The following RTTN variants were observed in gnomAD, a reference collection of about 807,000 sequenced individuals.
RTTN encodes the protein rotatin.
In RTTN, 182 loss-of-function variants were observed where a neutral mutation model predicts 269.2. That is an observed-to-expected ratio of 0.68 (90% CI 0.60 to 0.76). The LOEUF (loss-of-function observed/expected upper bound fraction) is 0.76, where lower values mean the gene tolerates loss of function less well. Ranked by LOEUF, RTTN falls within the 30% of genes least tolerant of loss-of-function variation. The probability of loss-of-function intolerance (pLI) is 0.00; values close to 1 mark genes in which losing one functional copy is unlikely to be tolerated. For missense variants in RTTN, 2,545 were observed against 2,608.6 expected, an observed-to-expected ratio of 0.98 and a Z score of 0.53; for synonymous variants, 1,006 against 963.5, an observed-to-expected ratio of 1.04 and a Z score of -0.82.
In RTTN at chr18:70,025,827, A is replaced by G. The variant is rs116841128; in HGVS notation, c.5824-979T>C. On this transcript the variant is annotated intron_variant, in intron 43 of 48. Coordinates refer to ENST00000640769, the MANE Select transcript of RTTN (RefSeq NM_173630.4). Reference sequence around the variant, plus strand: ...CCCGGTAGTGACAAAGAGGTGTTCCACTTCTTGCCTGCCAGAGATTGATAC... The same window carrying G: ...CCCGGTAGTGACAAAGAGGTGTTCCGCTTCTTGCCTGCCAGAGATTGATAC... Among the ~76,000 whole-genome samples, 927 of 152,254 alleles carry G rather than the reference A, an allele frequency of 6.1e-3. 3 individuals carry two copies. The highest frequency in any genetic ancestry group is 0.01 in the Middle Eastern group (3 of 294).
intron 47 of RTTN, chr18:70,006,149 C>T (rs2056179232): frequency 5.2e-6 from 2 of 387,452 alleles, no homozygotes; most frequent in South Asian, 8.5e-5. Flanking sequence ...AGGAAAAAGT[C>T]AGTTCAGAGA....
rs183227113 is a variant in RTTN, at chr18:70,114,714, G to T, written c.3529-115C>A. On this transcript the variant is annotated intron_variant, in intron 26 of 48. Coordinates refer to ENST00000640769, the MANE Select transcript of RTTN (RefSeq NM_173630.4). Reference sequence around the variant, plus strand: ...AAGAGCTATATTACCTAACTAGTAGGTGTGGGCCTTTACTGCATTAGTAGA... The same window carrying T: ...AAGAGCTATATTACCTAACTAGTAGTTGTGGGCCTTTACTGCATTAGTAGA... 14 of 720,260 alleles carry T rather than the reference G, an allele frequency of 1.9e-5. No homozygotes were observed. The East Asian group carries it at 3.8e-4, about 19-fold the overall frequency. 44.6% of individuals were successfully genotyped at this position (720,260 alleles called of 1,614,324 possible). A position where few individuals can be genotyped will look rare whatever the true frequency, so the allele number is the denominator to read the frequency against.
intron 35 of RTTN, 59 bp from the exon 36 acceptor site, chr18:70,060,101 A>C: frequency 7.6e-7 from 1 of 1,314,176 alleles, no homozygotes; most frequent in Non-Finnish European, 1.0e-6. Context: ...TACAATACTC[A>C]AAAGTTCTTA....
intron 8 of RTTN, among the ~76,000 whole-genome samples, chr18:70,191,353 G>A (rs1004632913): frequency 6.6e-6 from 1 of 152,174 alleles, no homozygotes; most frequent in Non-Finnish European, 1.5e-5. Flanking sequence ...CAGATTTATA[G>A]GAAAGCTCTT....
intron 35 of RTTN, among the ~76,000 whole-genome samples, chr18:70,063,965 CTT>C (rs35413593): frequency 4.6e-5 from 6 of 131,208 alleles, no homozygotes; most frequent in African/African-American, 1.2e-4. Context: ...CTTTTATATG[CTT>C]TTTTTTTTTT....
intron 28 of RTTN, among the ~76,000 whole-genome samples, chr18:70,104,939 G>A (rs2059282330): frequency 2.0e-5 from 3 of 152,226 alleles, no homozygotes; most frequent in Admixed American, 2.0e-4. Flanking sequence ...AGGCTACTCG[G>A]GGGTTGGGGA....
chr18:70,140,922 A>G (rs2060241246), intron 19 of RTTN, among the ~76,000 whole-genome samples: 1 of 152,134 alleles, frequency 6.6e-6, no homozygotes. Flanking sequence ...AAAAACACAT[A>G]CACTCACATA....
At chr18:70,165,528 A>G (rs1349420498) in intron 14 of RTTN, among the ~76,000 whole-genome samples, 1 of 152,026 alleles carries the variant, frequency 6.6e-6, no homozygotes, top group East Asian at 1.9e-4. Flanking sequence ...AGTGTTAAAT[A>G]CAAAAGGACA....
chr18:70,041,956 T>C (rs1297609850), intron 40 of RTTN, among the ~76,000 whole-genome samples: 1 of 152,036 alleles, frequency 6.6e-6, no homozygotes. Flanking sequence ...TGGACAGCAA[T>C]TGACAAGTTG....
chr18:70,030,157 T>C, intron 41 of RTTN, 48 bp from the exon 42 acceptor site: 10 of 1,314,020 alleles, frequency 7.6e-6, no homozygotes, highest in South Asian at 1.2e-5. Context: ...TATTTCCAAG[T>C]AAGTTATAAC....
intron 10 of RTTN, among the ~76,000 whole-genome samples, chr18:70,177,874 G>C (rs984175546): frequency 1.3e-5 from 2 of 152,028 alleles, no homozygotes; most frequent in Non-Finnish European, 2.9e-5. Flanking sequence ...AAATATAATG[G>C]GCAGTTCCTC....
At chr18:70,160,666 A>T (rs1288055092) in intron 14 of RTTN, among the ~76,000 whole-genome samples, 1 of 151,538 alleles carries the variant, frequency 6.6e-6, no homozygotes. Context: ...TGAAAAAAAA[A>T]AAAAAAAAAG....
chr18:70,165,700 T>TA (rs111726642), intron 14 of RTTN, among the ~76,000 whole-genome samples: 3 of 151,448 alleles, frequency 2.0e-5, no homozygotes, highest in Admixed American at 6.6e-5. Flanking sequence ...AAAATAACAT[T>TA]AAAAAAAACA....
chr18:70,074,415 C>T (rs1291870966), intron 33 of RTTN, among the ~76,000 whole-genome samples: 1 of 152,124 alleles, frequency 6.6e-6, no homozygotes, highest in Non-Finnish European at 1.5e-5. Context: ...TTCATCAAAT[C>T]TCATTTTCTT....
At chr18:70,141,308 G>C (rs1029925003) in intron 19 of RTTN, among the ~76,000 whole-genome samples, 4 of 151,994 alleles carry the variant, frequency 2.6e-5, no homozygotes, top group Admixed American at 2.6e-4. Flanking sequence ...CATACATCAC[G>C]TATGGGGAAA....
At position 70,017,515 on chromosome 18, in the gene RTTN, G is replaced by GT; in HGVS notation, c.6312dup (p.Leu2105ThrfsTer22). On this transcript the variant is annotated frameshift_variant, in exon 46 of 49. Transcript: ENST00000640769. LOFTEE classifies it high-confidence loss of function. ...TGCTTGTATTTGCTCATCTCTGTTA[G>GT]TAAGTCTAGACAGCCATCAAGCCTC... 6.2e-7 allele frequency: 1 copy of GT among 1,614,016 alleles called. No individual in the cohort carries two copies. Among genetic ancestry groups the GT allele is most frequent in the South Asian group, 1.1e-5 (1 of 91,064 alleles).
intron 7 of RTTN, 89 bp from the exon 8 acceptor site, chr18:70,193,542 T>C: frequency 4.0e-6 from 4 of 990,656 alleles, no homozygotes; most frequent in East Asian, 3.0e-5. Flanking sequence ...TCCAAAAACA[T>C]TAACAAATTA....
intron 11 of RTTN, among the ~76,000 whole-genome samples, chr18:70,175,608 T>C (rs1233242167): frequency 7.0e-6 from 1 of 143,882 alleles, no homozygotes; most frequent in Non-Finnish European, 1.5e-5. Context: ...AATAGTGGGA[T>C]ACCTTCAAGA....
intron 27 of RTTN, 60 bp downstream of exon 27, chr18:70,114,385 A>G (rs1291939113): frequency 1.3e-6 from 2 of 1,487,672 alleles, no homozygotes; most frequent in African/African-American, 2.8e-5. Context: ...AACTTTGAAA[A>G]TCAAAGAAAA....
Sources: gnomAD v4.1 joint callset for allele counts (sites outside exome capture counted in the v4.1 genomes callset) on GRCh38, gnomAD v4.1.1 for gene constraint, MANE v1.5 for transcripts, NCBI Gene and HGNC (gene_info 2026-07-23, HGNC 2026-07-21) for gene names.